The following NCOR1 variants were observed in gnomAD, a reference collection of about 807,000 sequenced individuals.
NCOR1 encodes the protein nuclear receptor corepressor 1, also known as protein phosphatase 1, regulatory subunit 109.
Under a neutral mutation model 288.1 loss-of-function variants are expected in NCOR1, and 63 were observed. The ratio of observed to expected loss-of-function variants is 0.22; its 90% CI spans 0.18 to 0.27. The LOEUF is 0.27. Ranked by LOEUF, NCOR1 falls within the 10% of genes least tolerant of loss-of-function variation. The probability of loss-of-function intolerance (pLI) is 1.00; values close to 1 mark genes in which losing one functional copy is unlikely to be tolerated. For missense variants in NCOR1, 2,397 were observed against 3,019.2 expected, an observed-to-expected ratio of 0.79 and a Z score of 4.83; for synonymous variants, 1,007 against 1,065.9, an observed-to-expected ratio of 0.94 and a Z score of 1.08.
chr17:16,213,940 C>T (rs2092355517), intron 1 of NCOR1, among the ~76,000 whole-genome samples: 2 of 152,254 alleles, frequency 1.3e-5, no homozygotes, highest in South Asian at 4.1e-4. Context: ...GCATTTTATA[C>T]ATAGCTATAT....
At chr17:16,116,023 A>G (rs964773303) in intron 18 of NCOR1, among the ~76,000 whole-genome samples, 1 of 152,240 alleles carries the variant, frequency 6.6e-6, no homozygotes. Flanking sequence ...GAGGCCTCAC[A>G]ATCATGGCAG....
chr17:16,081,472 G>A (rs1229607059), intron 23 of NCOR1, among the ~76,000 whole-genome samples: 2 of 150,906 alleles, frequency 1.3e-5, no homozygotes, highest in East Asian at 1.9e-4. Flanking sequence ...TCATTCTCCT[G>A]ATCAAACTCT....
At position 16,139,757 on chromosome 17, in the gene NCOR1, C is replaced by A. The variant is rs78174301; in HGVS notation, c.1174-571G>T. ...TTATTCTTAGAAATGAAGCTTGTTTCAACTAAAACTTTGTTACACGTGCAG... is the reference window on the plus strand; with the variant it reads ...TTATTCTTAGAAATGAAGCTTGTTTAAACTAAAACTTTGTTACACGTGCAG... On this transcript the variant is annotated intron_variant, in intron 11 of 45. Transcript: ENST00000268712. 2.6e-3 allele frequency among the ~76,000 whole-genome samples: 393 copies of A among 152,260 alleles called. 2 individuals are homozygous for A. Among genetic ancestry groups the A allele is most frequent in the African/African-American group, 9.1e-3 (377 of 41,568 alleles).
rs988930214 is a variant in NCOR1, at chr17:16,039,423, A to C, written c.6955+10T>G. ...AAAGCAGCAGAAAAGCACTAAAATG[A>C]AAGCTGTACCTGAATGAGGTGATGG... is the stretch of plus-strand genomic sequence containing the variant. On this transcript the variant is annotated intron_variant, in intron 44 of 45. Coordinates refer to ENST00000268712, the MANE Select transcript of NCOR1 (RefSeq NM_006311.4). The C allele has an allele frequency of 6.2e-7, 1 of 1,609,558 alleles. No individual in the cohort carries two copies. The highest frequency in any genetic ancestry group is 8.5e-7 in the Non-Finnish European group (1 of 1,176,894).
At chr17:16,160,124 G>A (rs1274272007) in intron 5 of NCOR1, among the ~76,000 whole-genome samples, 1 of 151,962 alleles carries the variant, frequency 6.6e-6, no homozygotes, top group African/African-American at 2.4e-5. Context: ...GAGCCACCAC[G>A]CCTGGCTCCC....
At chr17:16,141,802 G>A (rs1266074662) in intron 11 of NCOR1, among the ~76,000 whole-genome samples, 1 of 152,166 alleles carries the variant, frequency 6.6e-6, no homozygotes, top group Non-Finnish European at 1.5e-5. Context: ...TGAAAGAATA[G>A]ACTTGATTGA....
intron 3 of NCOR1, among the ~76,000 whole-genome samples, chr17:16,179,062 C>G (rs1024968864): frequency 6.6e-6 from 1 of 152,226 alleles, no homozygotes; most frequent in Admixed American, 6.5e-5. Context: ...AAGATCATGT[C>G]ACTGCACCCC....
intron 14 of NCOR1, among the ~76,000 whole-genome samples, chr17:16,134,090 A>G (rs974414461): frequency 6.6e-6 from 1 of 152,212 alleles, no homozygotes; most frequent in African/African-American, 2.4e-5. Flanking sequence ...TCTTTTGCTC[A>G]AAACCCCAGT....
chr17:16,203,144 G>A lies in NCOR1; in HGVS notation c.-70-8505C>T, dbSNP rs1015409092. On this transcript the variant is annotated intron_variant, in intron 1 of 45. Coordinates refer to ENST00000268712, the MANE Select transcript of NCOR1 (RefSeq NM_006311.4). ...TCTTGCTGCAAAAAAACTCCTAACT[G>A]GGCTTCCCACTTCAATACTTTCTCA... is the stretch of plus-strand genomic sequence containing the variant. Among the ~76,000 whole-genome samples the A allele has an allele frequency of 1.7e-4, 26 of 152,006 alleles. 2 individuals are homozygous for A. Among genetic ancestry groups the A allele is most frequent in the African/African-American group, 6.3e-4 (26 of 41,408 alleles).
chr17:16,114,220 A>C (rs1239405717), intron 18 of NCOR1, among the ~76,000 whole-genome samples: 5 of 151,338 alleles, frequency 3.3e-5, no homozygotes, highest in African/African-American at 1.2e-4. Context: ...CCTAAGACTT[A>C]TTCACTATCA....
At chr17:16,080,275 C>A in intron 25 of NCOR1, 133 bp downstream of exon 25, 1 of 911,366 alleles carries the variant, frequency 1.1e-6, no homozygotes, top group South Asian at 2.0e-5. Context: ...ATGACTTTTA[C>A]ATGGAAAGAA....
intron 3 of NCOR1, among the ~76,000 whole-genome samples, chr17:16,182,417 A>T (rs2085667354): frequency 6.6e-6 from 1 of 152,180 alleles, no homozygotes; most frequent in South Asian, 2.1e-4. Context: ...CAGGGCCTAA[A>T]ATCACAGAAA....
chr17:16,189,802 A>G (rs2087716548), intron 2 of NCOR1, among the ~76,000 whole-genome samples: 1 of 152,198 alleles, frequency 6.6e-6, no homozygotes, highest in South Asian at 2.1e-4. Flanking sequence ...GATGAAATAA[A>G]AAAGTTTCCT....
chr17:16,096,136 G>C (rs575691047), intron 21 of NCOR1, among the ~76,000 whole-genome samples: 1 of 152,024 alleles, frequency 6.6e-6, no homozygotes, highest in African/African-American at 2.4e-5. Context: ...CAGCATACTC[G>C]TTGAGAGTCA....
At chr17:16,188,731 AAG>A (rs1440191068) in intron 2 of NCOR1, among the ~76,000 whole-genome samples, 1 of 152,002 alleles carries the variant, frequency 6.6e-6, no homozygotes, top group African/African-American at 2.4e-5. Flanking sequence ...TAGCCTCAAA[AAG>A]AATCAAATAG....
intron 44 of NCOR1, 30 bp from the exon 45 acceptor site, chr17:16,034,974 A>G (rs1334471602): frequency 1.2e-6 from 2 of 1,604,046 alleles, no homozygotes; most frequent in East Asian, 2.2e-5. Context: ...TAAAGTATTA[A>G]TATATTAAGT....
chr17:16,042,778 A>T (rs1211774531), intron 42 of NCOR1, among the ~76,000 whole-genome samples: 1 of 152,172 alleles, frequency 6.6e-6, no homozygotes, highest in Non-Finnish European at 1.5e-5. Context: ...AACTTTTTGT[A>T]TGGGGAGGTA....
rs1233975813 is a variant in NCOR1 at position 16,206,542 on chromosome 17, T to C, written c.-71+8820A>G. Among the ~76,000 whole-genome samples the C allele has an allele frequency of 9.2e-5, 14 of 152,274 alleles. No homozygotes were observed. The East Asian group carries it at 2.5e-3, about 27-fold the overall frequency. ...CTGGGATTACAGGCACATGCCACCA[T>C]GGCTGGCTAATTTTTGTATTTTTAG... On this transcript the variant is annotated intron_variant, in intron 1 of 45. Transcript: ENST00000268712.
Position 16,067,954 on chromosome 17 carries a change from G to A in NCOR1, c.4681C>T (p.Arg1561Trp), listed in dbSNP as rs1215962055. The A allele has an allele frequency of 6.2e-7, 1 of 1,614,164 alleles. No homozygotes were observed. The highest frequency in any genetic ancestry group is 8.5e-7 in the Non-Finnish European group (1 of 1,180,026). Residue 1561 changes from arginine to tryptophan, a missense_variant, in exon 32 of 46, where the codon CGG becomes TGG. Arg to Trp is a moderately radical substitution (Grantham distance 101). Coordinates refer to ENST00000268712, the MANE Select transcript of NCOR1 (RefSeq NM_006311.4). ...HRGSTAGEVYRSHLPTHLDPA... is the reference protein window; with the variant it reads ...HRGSTAGEVYWSHLPTHLDPA... ...TCCAAGTGCGTGGGCAGGTGGCTCC[G>A]ATAAACCTCGCCTGCAGTGCTGCCT... is the stretch of plus-strand genomic sequence containing the variant.
Sources: allele counts gnomAD v4.1 joint callset (sites outside exome capture counted in the v4.1 genomes callset), GRCh38; gene constraint gnomAD v4.1.1; transcripts MANE v1.5; gene names NCBI Gene and HGNC (gene_info 2026-07-23, HGNC 2026-07-21).